NRXN3: variants seen among roughly 807,000 people sequenced by gnomAD.
NRXN3 encodes the protein neurexin III.
Under a neutral mutation model 137.6 loss-of-function variants are expected in NRXN3, and 32 were observed. That is an observed-to-expected ratio of 0.23 (90% confidence interval 0.18 to 0.31). The LOEUF is 0.31. NRXN3 is among the 10% of genes least tolerant of loss of function. The pLI, the probability that NRXN3 is intolerant of heterozygous loss-of-function variation, is 1.00. For synonymous variants in NRXN3, 798 were observed against 784.5 expected (o/e 1.02, Z -0.29); for missense variants, 1,574 against 2,062.5 (o/e 0.76, Z 4.59).
intron 16 of NRXN3, among the ~76,000 whole-genome samples, chr14:79,654,790 G>T (rs2098497275): frequency 1.3e-5 from 2 of 152,140 alleles, no homozygotes; most frequent in Admixed American, 1.3e-4. Flanking sequence ...CTGAGGGATT[G>T]ACTGAAAATG....
intron 16 of NRXN3, among the ~76,000 whole-genome samples, chr14:79,544,036 TTGTGAG>T (rs2097297082): frequency 6.6e-6 from 1 of 152,290 alleles, no homozygotes; most frequent in African/African-American, 2.4e-5. Flanking sequence ...TGTTGAAACA[TTGTGAG>T]TCTCATCCCC....
chr14:79,374,227 A>G (rs773525307), intron 15 of NRXN3, among the ~76,000 whole-genome samples: 19 of 152,288 alleles, frequency 1.2e-4, no homozygotes, highest in Admixed American at 5.9e-4. Flanking sequence ...AAATTAACTC[A>G]TAAGCTCCCG....
At chr14:79,099,519 A>G (rs1383858803) in intron 15 of NRXN3, among the ~76,000 whole-genome samples, 1 of 152,196 alleles carries the variant, frequency 6.6e-6, no homozygotes, top group African/African-American at 2.4e-5. Context: ...AAGGGAGTAT[A>G]TTTTTAAAAT....
chr14:78,464,444 T>G (rs2095036171), intron 4 of NRXN3, among the ~76,000 whole-genome samples: 1 of 152,176 alleles, frequency 6.6e-6, no homozygotes, highest in African/African-American at 2.4e-5. Flanking sequence ...ATAAAGAGTG[T>G]CTTAGAATCA....
chr14:79,047,493 A>G (rs1358953975), intron 15 of NRXN3, among the ~76,000 whole-genome samples: 1 of 152,204 alleles, frequency 6.6e-6, no homozygotes, highest in Non-Finnish European at 1.5e-5. Flanking sequence ...AGAAAATTAA[A>G]GGGTAAATTT....
intron 3 of NRXN3, among the ~76,000 whole-genome samples, chr14:78,281,677 G>A (rs567725454): frequency 6.6e-5 from 10 of 152,232 alleles, no homozygotes; most frequent in African/African-American, 9.6e-5. Context: ...AAGAGGGCCC[G>A]GGAGCCCAGC....
chr14:79,372,894 A>G (rs2094152676), intron 15 of NRXN3, among the ~76,000 whole-genome samples: 1 of 152,114 alleles, frequency 6.6e-6, no homozygotes, highest in Non-Finnish European at 1.5e-5. Context: ...AGTAGACATC[A>G]TTGAGCATTA....
At chr14:78,182,722 C>T (rs1364826360) in intron 1 of NRXN3, among the ~76,000 whole-genome samples, 2 of 152,170 alleles carry the variant, frequency 1.3e-5, no homozygotes, top group South Asian at 2.1e-4. Flanking sequence ...CCACCTGCCT[C>T]GGCCTCCCAA....
chr14:78,991,183 T>C (rs1276603511), intron 15 of NRXN3, among the ~76,000 whole-genome samples: 2 of 152,154 alleles, frequency 1.3e-5, no homozygotes, highest in Admixed American at 6.5e-5. Context: ...AAAAGGAATA[T>C]AGAGAAAATC....
chr14:78,680,763 G>A (rs972902928), intron 6 of NRXN3, among the ~76,000 whole-genome samples: 10 of 152,054 alleles, frequency 6.6e-5, no homozygotes, highest in African/African-American at 2.2e-4. Flanking sequence ...ACTTTCCTGG[G>A]CTTAAGAGTC....
At chr14:79,266,420 C>A (rs2078476125) in intron 15 of NRXN3, among the ~76,000 whole-genome samples, 1 of 151,864 alleles carries the variant, frequency 6.6e-6, no homozygotes, top group Non-Finnish European at 1.5e-5. Context: ...TAAAGGTAAG[C>A]TTTATGCTCA....
At chr14:79,846,453 C>T (rs891216831) in intron 20 of NRXN3, among the ~76,000 whole-genome samples, 7 of 152,088 alleles carry the variant, frequency 4.6e-5, no homozygotes, top group Admixed American at 1.3e-4. Context: ...AGCCTCAAAC[C>T]CAACACTTAG....
chr14:78,688,054 A>G (rs1270339094), intron 6 of NRXN3, among the ~76,000 whole-genome samples: 76 of 152,268 alleles, frequency 5.0e-4, no homozygotes, highest in Non-Finnish European at 1.5e-5. Context: ...AAGCCTATTG[A>G]GTGGAGATGT....
Position 79,167,825 on chromosome 14 carries a change from T to A in NRXN3, c.3262+179684T>A, listed in dbSNP as rs769734823. Among the ~76,000 whole-genome samples, 7 of 151,978 alleles carry A rather than the reference T, an allele frequency of 4.6e-5. No homozygotes were observed. The South Asian group carries it at 8.3e-4, about 18-fold the overall frequency. ...CCAAAAGCTCCCTCTTGCCCCTACC[T>A]GCTTCAGCCAGCATTATCTGCAGAT... is the stretch of plus-strand genomic sequence containing the variant. On this transcript the variant is annotated intron_variant, in intron 15 of 20. Transcript: ENST00000335750.
intron 4 of NRXN3, among the ~76,000 whole-genome samples, chr14:78,524,416 A>G (rs910394008): frequency 1.3e-5 from 2 of 152,228 alleles, no homozygotes; most frequent in Non-Finnish European, 2.9e-5. Flanking sequence ...AAGGTTCCAA[A>G]GGGACTATCT....
At chr14:79,125,537 C>T (rs943784045) in intron 15 of NRXN3, among the ~76,000 whole-genome samples, 3 of 152,150 alleles carry the variant, frequency 2.0e-5, no homozygotes, top group African/African-American at 7.2e-5. Flanking sequence ...TAGGTAAGCA[C>T]CTGCTTAGAC....
At chr14:78,363,137 C>T (rs1026847723) in intron 4 of NRXN3, among the ~76,000 whole-genome samples, 5 of 152,154 alleles carry the variant, frequency 3.3e-5, no homozygotes, top group African/African-American at 1.2e-4. Context: ...GCCTACCTGC[C>T]CTTCTTCCAG....
intron 20 of NRXN3, 55 bp downstream of exon 20, chr14:79,805,245 A>G (rs747217686): frequency 2.4e-6 from 3 of 1,224,970 alleles, no homozygotes; most frequent in Non-Finnish European, 3.6e-6. Flanking sequence ...GCAAAAAACA[A>G]TACATACATA....
intron 15 of NRXN3, among the ~76,000 whole-genome samples, chr14:79,307,434 A>G (rs1002794998): frequency 1.3e-5 from 2 of 152,078 alleles, no homozygotes; most frequent in Non-Finnish European, 2.9e-5. Context: ...TTGGTAATCT[A>G]TTGTTTCATG....
Sources: allele counts gnomAD v4.1 joint callset (sites outside exome capture counted in the v4.1 genomes callset), GRCh38; gene constraint gnomAD v4.1.1; transcripts MANE v1.5; gene names NCBI Gene and HGNC (gene_info 2026-07-23, HGNC 2026-07-21).